The following KMT2E variants were observed in gnomAD, a reference collection of about 807,000 sequenced individuals.
KMT2E encodes lysine methyltransferase 2E (inactive).
Under a neutral mutation model 184.6 loss-of-function variants are expected in KMT2E, and 30 were observed. The ratio of observed to expected loss-of-function variants is 0.16; its 90% CI spans 0.12 to 0.22. The LOEUF (loss-of-function observed/expected upper bound fraction) is 0.22. Among genes scored for constraint, KMT2E ranks in the 10% least tolerant of loss-of-function variants. KMT2E has a pLI of 1.00. For synonymous variants in KMT2E, 815 were observed against 776.5 expected, an observed-to-expected ratio of 1.05 and a Z score of -0.82; for missense variants, 2,023 against 2,237.4, an observed-to-expected ratio of 0.90 and a Z score of 1.93.
rs1797560761 is a variant in KMT2E, at chr7:105,077,087, G to A, written c.893G>A (p.Arg298Lys). 3.1e-6 allele frequency: 5 copies of A among 1,613,836 alleles called. No homozygotes were observed. In the Middle Eastern group the frequency reaches 4.9e-4, roughly 159 times the overall value. Residue 298 changes from arginine (R) to lysine (K), a missense_variant, in exon 10 of 27, where the codon AGG becomes AAG. Transcript: ENST00000311117. ...NNNQYSEGVQ[R>K]EAQRIALRLG... Reference sequence around the variant, plus strand: ...AACCAGTACAGTGAGGGTGTTCAGAGGGAGGCACAAAGAATAGCTCTGAGA... The same window carrying A: ...AACCAGTACAGTGAGGGTGTTCAGAAGGAGGCACAAAGAATAGCTCTGAGA...
At chr7:105,077,217 A>G in intron 10 of KMT2E, 24 bp downstream of exon 10, 1 of 1,608,384 alleles carries the variant, frequency 6.2e-7, no homozygotes, top group Non-Finnish European at 8.5e-7. Context: ...TTGTCCAAAA[A>G]TTGTAAAGCA....
At position 105,112,617 on chromosome 7, in the gene KMT2E, A is replaced by C. The variant is rs1387965932; in HGVS notation, c.4861A>C (p.Thr1621Pro). 3 of 1,612,924 alleles carry C rather than the reference A, an allele frequency of 1.9e-6. No homozygotes were observed. In the South Asian group the frequency reaches 3.3e-5, roughly 18 times the overall value. ...PSQNPTIHHQ[T>P]AAAVVPPPPP... ...TCAGAACCCTACCATTCACCATCAA[A>C]CTGCTGCTGCCGTAGTCCCCCCTCC... Residue 1621 changes from threonine (T) to proline (P), a missense_variant, in exon 27 of 27, where the codon ACT becomes CCT. Around this residue, in one of 8 missense-constraint regions of KMT2E, gnomAD observed 1,108 missense variants for 1,050.9 expected, o/e 1.05. Transcript: ENST00000311117.
chr7:105,076,681 T>C (rs1418015832), intron 9 of KMT2E, among the ~76,000 whole-genome samples: 1 of 152,216 alleles, frequency 6.6e-6, no homozygotes, highest in East Asian at 1.9e-4. Flanking sequence ...ATGCTGTTAC[T>C]ATAGTTTTCT....
chr7:105,083,282 C>T (rs1184985525), intron 13 of KMT2E, among the ~76,000 whole-genome samples: 1 of 152,142 alleles, frequency 6.6e-6, no homozygotes, highest in East Asian at 1.9e-4. Context: ...ACATTCTTTT[C>T]CATAGAGTAC....
intron 1 of KMT2E, among the ~76,000 whole-genome samples, chr7:105,016,268 C>T (rs954286145): frequency 6.6e-6 from 1 of 152,014 alleles, no homozygotes; most frequent in Admixed American, 6.6e-5. Context: ...TCCATTTTTC[C>T]CATGTATTTA....
chr7:105,111,838 G>C lies in KMT2E; in HGVS notation c.4082G>C (p.Gly1361Ala), dbSNP rs1212295606. The change falls in exon 27 of 27, where the codon GGA becomes GCA. Residue 1361 changes from glycine (G) to alanine (A), a missense_variant. This residue lies in a region of KMT2E where 1,108 missense variants were observed against 1,050.9 expected (regional missense o/e 1.05). Coordinates refer to ENST00000311117, the MANE Select transcript of KMT2E (RefSeq NM_182931.3). ...TTCTCTTCATAGCCTGGTTCACCTG[G>C]ATCTGTAATTCCTGCTCAAGCACAC... ...PPKMSKPGSP[G>A]SVIPAQAHGK... 3 of 1,612,110 alleles carry C rather than the reference G, an allele frequency of 1.9e-6. No individual in the cohort carries two copies. Among genetic ancestry groups the C allele is most frequent in the South Asian group, 1.1e-5 (1 of 90,726 alleles).
intron 15 of KMT2E, among the ~76,000 whole-genome samples, chr7:105,091,855 G>A (rs1005526551): frequency 1.3e-5 from 2 of 152,072 alleles, no homozygotes; most frequent in Non-Finnish European, 2.9e-5. Context: ...ATAAAAATTA[G>A]GACAGGATAT....
At chr7:105,068,401 T>C (rs1213337726) in intron 6 of KMT2E, among the ~76,000 whole-genome samples, 1 of 152,140 alleles carries the variant, frequency 6.6e-6, no homozygotes, top group Non-Finnish European at 1.5e-5. Context: ...ATTAGTGATA[T>C]GTTAATTCTG....
intron 15 of KMT2E, among the ~76,000 whole-genome samples, chr7:105,094,131 G>A (rs1460432589): frequency 6.6e-6 from 1 of 152,110 alleles, no homozygotes; most frequent in Non-Finnish European, 1.5e-5. Context: ...TAAGCAATTA[G>A]TAGAGTTCCC....
intron 3 of KMT2E, among the ~76,000 whole-genome samples, chr7:105,047,420 C>G (rs994637172): frequency 1.3e-5 from 2 of 152,206 alleles, no homozygotes; most frequent in Admixed American, 6.5e-5. Flanking sequence ...TCTGGTAACT[C>G]TTGTCTGCAC....
chr7:105,112,863 C>A lies in KMT2E; in HGVS notation c.5107C>A (p.Leu1703Ile), dbSNP rs781147221. 1 of 1,583,472 alleles carries A rather than the reference C, an allele frequency of 6.3e-7. No homozygotes were observed. The change falls in exon 27 of 27, where the codon CTA (leucine) becomes ATA (isoleucine). Residue 1703 changes from leucine (L) to isoleucine (I), a missense_variant. Physicochemically the swap from Leu to Ile is conservative, Grantham distance 5. Around this residue, in one of 8 missense-constraint regions of KMT2E, gnomAD observed 1,108 missense variants for 1,050.9 expected, o/e 1.05. Transcript: ENST00000311117. ...CCATCCATCCACAGGACTCCAAGGT[C>A]TACAAGCACAACACCAGCATGTTGT... ...PPHPSTGLQG[L>I]QAQHQHVVNS...
intron 26 of KMT2E, 125 bp downstream of exon 26, chr7:105,110,993 T>G (rs1379163060): frequency 1.5e-6 from 1 of 667,320 alleles, no homozygotes; most frequent in African/African-American, 1.8e-5. Flanking sequence ...TGGACACTTT[T>G]CCTGTCAGAA....
chr7:105,112,781 C>T lies in KMT2E; in HGVS notation c.5025C>T (p.His1675=). ...GSHIHSQTAG[H]HLPPPPPPPG... ...ATATTCATTCTCAAACTGCTGGACA[C>T]CACTTACCCCCACCCCCACCCCCTC... Residue 1675 remains histidine (H), a synonymous_variant, in exon 27 of 27, where the codon CAC becomes CAT. Transcript: ENST00000311117. 1.2e-6 allele frequency: 2 copies of T among 1,611,760 alleles called. No homozygotes were observed. The highest frequency in any genetic ancestry group is 1.7e-6 in the Non-Finnish European group (2 of 1,179,318).
chr7:105,107,336 A>C (rs757315694), intron 21 of KMT2E, 26 bp from the exon 22 acceptor site: 1 of 1,521,314 alleles, frequency 6.6e-7, no homozygotes, highest in Non-Finnish European at 8.9e-7. Flanking sequence ...TTATTTGTGT[A>C]ATTTTTTTTT....
chr7:105,069,731 A>G (rs1036795466), intron 6 of KMT2E, among the ~76,000 whole-genome samples: 9 of 152,216 alleles, frequency 5.9e-5, no homozygotes, highest in Non-Finnish European at 1.0e-4. Context: ...TTAATACAAT[A>G]TCACAACTAG....
rs1797937169 is a variant in KMT2E at position 105,085,729 on chromosome 7, G to A, written c.1358+3932G>A. Among the ~76,000 whole-genome samples the A allele has an allele frequency of 2.0e-5, 3 of 150,760 alleles. No homozygotes were observed. In the South Asian group the frequency reaches 6.3e-4, roughly 32 times the overall value. On this transcript the variant is annotated intron_variant, in intron 13 of 26. Transcript: ENST00000311117. ...GACGGAGTCTCGCTCTGTCGCCTAG[G>A]ATGGAGTGTGGTGGCACAATTTCAG...
intron 4 of KMT2E, 25 bp downstream of exon 4, chr7:105,062,303 A>G (rs1336766058): frequency 6.7e-7 from 1 of 1,488,854 alleles, no homozygotes; most frequent in Non-Finnish European, 9.3e-7. Context: ...CTTCTTTGAA[A>G]AAACATTTTT....
chr7:105,057,216 G>A (rs1318111719), intron 3 of KMT2E, among the ~76,000 whole-genome samples: 1 of 152,158 alleles, frequency 6.6e-6, no homozygotes, highest in East Asian at 1.9e-4. Flanking sequence ...TTGTGAGTGG[G>A]AGGAAAAGCG....
chr7:105,083,900 A>G (rs189014271), intron 13 of KMT2E, among the ~76,000 whole-genome samples: 1 of 152,334 alleles, frequency 6.6e-6, no homozygotes, highest in Non-Finnish European at 1.5e-5. Context: ...CATTACTGGC[A>G]TTAAATGCTC....
Sources: gnomAD v4.1 joint callset for allele counts (sites outside exome capture counted in the v4.1 genomes callset) on GRCh38, gnomAD v4.1.1 for gene constraint, gnomAD v4.1.1 regional missense constraint, MANE v1.5 for transcripts, NCBI Gene and HGNC (gene_info 2026-07-23, HGNC 2026-07-21) for gene names.